The following LTA4H variants were observed in gnomAD, a reference collection of about 807,000 sequenced individuals.
LTA4H encodes the protein leukotriene A4 hydrolase, also known as leukotriene A-4 hydrolase.
LTA4H carries 59 observed loss-of-function variants against 89.8 expected under a neutral mutation model. The observed-to-expected ratio is 0.66, with a 90% CI of 0.53 to 0.82. The LOEUF is 0.82. Ranked by LOEUF, LTA4H falls within the 40% of genes least tolerant of loss-of-function variation. The probability of loss-of-function intolerance (pLI) is 0.00; values close to 1 mark genes in which losing one functional copy is unlikely to be tolerated. For missense variants in LTA4H, 617 were observed against 727.0 expected (o/e 0.85, Z 1.74); for synonymous variants, 227 against 253.1 (o/e 0.90, Z 0.98).
intron 11 of LTA4H, chr12:96,015,241 CT>C: frequency 2.1e-6 from 1 of 479,376 alleles, no homozygotes; most frequent in Non-Finnish European, 3.6e-6. Context: ...TATAAAAAGA[CT>C]AGAAAAATGA....
At chr12:96,038,794 G>A (rs1447827221), upstream of LTA4H, among the ~76,000 whole-genome samples, 1 of 147,426 alleles carries the variant, frequency 6.8e-6, no homozygotes, top group East Asian at 2.0e-4. Flanking sequence ...ATGGAGAAAG[G>A]ATAGTTTGTT....
At chr12:96,027,649 A>G in intron 2 of LTA4H, 85 bp from the exon 3 acceptor site, 1 of 780,776 alleles carries the variant, frequency 1.3e-6, no homozygotes, top group Non-Finnish European at 2.0e-6. Context: ...TGAATAATAT[A>G]AATAACATAG....
At chr12:96,016,864 C>T (rs533327663) in intron 10 of LTA4H, among the ~76,000 whole-genome samples, 180 bp downstream of exon 10, 2 of 151,380 alleles carry the variant, frequency 1.3e-5, no homozygotes, top group East Asian at 3.9e-4. Flanking sequence ...CGCACCACTG[C>T]ACTCTAGCCT....
chr12:96,020,737 T>G (rs569063503), intron 6 of LTA4H: 1 of 176,090 alleles, frequency 5.7e-6, no homozygotes, highest in African/African-American at 2.4e-5. Flanking sequence ...ATATTTTATC[T>G]CATTTGTTTC....
At chr12:96,023,235 TGC>T (rs1950474267) in intron 4 of LTA4H, among the ~76,000 whole-genome samples, 1 of 152,214 alleles carries the variant, frequency 6.6e-6, no homozygotes, top group Admixed American at 6.5e-5. Flanking sequence ...CCTGAACCAG[TGC>T]TACAACAATT....
chr12:96,027,741 C>T, intron 2 of LTA4H, 177 bp from the exon 3 acceptor site: 1 of 386,024 alleles, frequency 2.6e-6, no homozygotes, highest in East Asian at 4.7e-5. Flanking sequence ...GTTTTCCTAC[C>T]TAATTGCCAG....
chr12:96,014,406 A>G (rs768808765), intron 12 of LTA4H: 1 of 158,410 alleles, frequency 6.3e-6, no homozygotes, highest in Non-Finnish European at 1.4e-5. Flanking sequence ...GAGCCAATAT[A>G]TAGCATGACC....
At chr12:96,033,406 T>C (rs1950597729) in intron 1 of LTA4H, among the ~76,000 whole-genome samples, 1 of 152,204 alleles carries the variant, frequency 6.6e-6, no homozygotes, top group South Asian at 2.1e-4. Flanking sequence ...AAAACCTCTT[T>C]AAATTTCTTC....
chr12:96,041,946 C>G (rs1017317900), intron 1 of LTA4H, among the ~76,000 whole-genome samples: 2 of 151,554 alleles, frequency 1.3e-5, no homozygotes, highest in Non-Finnish European at 2.9e-5. Context: ...TGGCCATAAA[C>G]CCCTAGTTTT....
intron 8 of LTA4H, among the ~76,000 whole-genome samples, chr12:96,018,194 C>A (rs752721126): frequency 3.3e-5 from 5 of 152,134 alleles, no homozygotes; most frequent in African/African-American, 1.2e-4. Context: ...CCATGCCCAA[C>A]TCCCCAAATA....
chr12:96,006,388 A>G lies in LTA4H; in HGVS notation c.1456T>C (p.Ser486Pro). 1 of 1,608,962 alleles carries G rather than the reference A, an allele frequency of 6.2e-7. No individual in the cohort carries two copies. Among genetic ancestry groups the G allele is most frequent in the Non-Finnish European group, 8.5e-7 (1 of 1,176,666 alleles). ...TCCTTCAGGTCTGTGGCATTGAATG[A>G]ATTTAAATCATCTTCTTTGGCCTGA... ...WITAKEDDLN[S>P]FNATDLKDLS... is the part of the protein sequence containing the mutation. The change falls in exon 16 of 19, where the codon TCA (serine) becomes CCA (proline). Residue 486 changes from serine (S) to proline (P), a missense_variant. Physicochemically the swap from Ser to Pro is moderately conservative, Grantham distance 74. Around this residue, in one of 3 missense-constraint regions of LTA4H, gnomAD observed 290 missense variants for 339.1 expected, o/e 0.86. Transcript: ENST00000228740.
At position 96,023,311 on chromosome 12, in the gene LTA4H, G is replaced by A. The variant is rs571144262; in HGVS notation, c.481-1060C>T. 2.7e-5 allele frequency among the ~76,000 whole-genome samples: 4 copies of A among 150,194 alleles called. No homozygotes were observed. In the South Asian group the frequency reaches 8.8e-4, roughly 33 times the overall value. On this transcript the variant is annotated intron_variant, in intron 4 of 18. Transcript: ENST00000228740. ...GGTTCAGCCACCTCCCTTCATTTAGGTGGTGATACGTTATATATATGTGCC... is the reference window on the plus strand; with the variant it reads ...GGTTCAGCCACCTCCCTTCATTTAGATGGTGATACGTTATATATATGTGCC...
At chr12:96,041,161 C>A (rs1179817373) in intron 1 of LTA4H, among the ~76,000 whole-genome samples, 1 of 151,814 alleles carries the variant, frequency 6.6e-6, no homozygotes, top group Non-Finnish European at 1.5e-5. Context: ...CAGTTATTCA[C>A]AGTATATTAT....
At chr12:96,011,918 G>GA (rs62955962) in intron 14 of LTA4H, 1 of 152,016 alleles carries the variant, frequency 6.6e-6, no homozygotes, top group Non-Finnish European at 1.5e-5. Flanking sequence ...GAAGTGCTAG[G>GA]AAAAAAATCT....
Position 96,014,860 on chromosome 12 carries a change from C to T in LTA4H, c.1199G>A (p.Gly400Glu), listed in dbSNP as rs1175860818. ...LLFYLEQLLG[G>E]PEIFLGFLKA... ...ATAAAATACCAACTACTTACCTGGTCCTCCAAGCAGTTGTTCAAGGTAAAA... is the reference window on the plus strand; with the variant it reads ...ATAAAATACCAACTACTTACCTGGTTCTCCAAGCAGTTGTTCAAGGTAAAA... The change falls in exon 12 of 19, where the codon GGA (glycine) becomes GAA (glutamate). Residue 400 changes from glycine to glutamate, a missense_variant. By Grantham distance (98) the Gly-to-Glu change is moderately conservative. This residue lies in a region of LTA4H where 290 missense variants were observed against 339.1 expected (regional missense o/e 0.86). Coordinates refer to ENST00000228740, the MANE Select transcript of LTA4H (RefSeq NM_000895.3). The T allele has an allele frequency of 3.7e-6, 6 of 1,606,462 alleles. No homozygotes were observed. Among genetic ancestry groups the T allele is most frequent in the Non-Finnish European group, 5.1e-6 (6 of 1,177,744 alleles).
intron 14 of LTA4H, chr12:96,011,033 G>C (rs891511132): frequency 4.6e-5 from 7 of 152,162 alleles, no homozygotes; most frequent in Admixed American, 3.9e-4. Context: ...CCGGGCACAC[G>C]AATGATTCCA....
rs1455196465 is a variant in LTA4H at position 96,022,183 on chromosome 12, T to C, written c.549A>G (p.Glu183=). 11 of 1,614,040 alleles carry C rather than the reference T, an allele frequency of 6.8e-6. No individual in the cohort carries two copies. The highest frequency in any genetic ancestry group is 8.5e-6 in the Non-Finnish European group (10 of 1,179,930). The change falls in exon 5 of 19, where the codon GAA becomes GAG. Residue 183 remains glutamate (E), a synonymous_variant. Transcript: ENST00000228740. This position sits in a 1 kb window ranked among gnomAD's most constrained non-coding sequence, Gnocchi z 4.0. ...ATTTGTATATTTTCCTGCTTGGGTC[T>C]TCTGGGTCAGGTGTTTCTCCATCAC... The part of the protein sequence containing the change: ...AIRDGETPDP[E]DPSRKIYKFI...
Position 96,035,322 on chromosome 12 carries a change from C to G in LTA4H, c.159+39G>C, listed in dbSNP as rs760090613. The G allele has an allele frequency of 6.3e-6, 10 of 1,575,816 alleles. No individual in the cohort carries two copies. The East Asian group carries it at 2.1e-4, about 33-fold the overall frequency. On this transcript the variant is annotated intron_variant, in intron 1 of 18. Transcript: ENST00000228740. ...AGGACTAGGGTCGAGGGGCAGGGAG[C>G]CCGGGAGAGGCGGGCACTGGGCAGG...
Position 96,001,066 on chromosome 12 carries a change from G to A in LTA4H, c.1759C>T (p.Arg587Ter), listed in dbSNP as rs1229283119. Residue 587 changes from arginine (R) to a stop codon, truncating the protein, a stop_gained, in exon 19 of 19, where the codon CGA (arginine) becomes TGA (stop). Transcript: ENST00000228740. LOFTEE classifies it high-confidence loss of function. ...AFDKSHDQAV[R>*]TYQEHKASMH... Reference sequence around the variant, plus strand: ...CTTGCTTTGTGCTCTTGGTAGGTTCGGACAGCTTGATCATGGGATTTGTCA... The same window carrying A: ...CTTGCTTTGTGCTCTTGGTAGGTTCAGACAGCTTGATCATGGGATTTGTCA... The A allele has an allele frequency of 1.9e-6, 3 of 1,613,914 alleles. No homozygotes were observed. The highest frequency in any genetic ancestry group is 2.5e-6 in the Non-Finnish European group (3 of 1,179,952).
Sources: gnomAD v4.1 joint callset for allele counts (sites outside exome capture counted in the v4.1 genomes callset) on GRCh38, gnomAD v4.1.1 for gene constraint, gnomAD v4.1.1 regional missense constraint, Gnocchi (gnomAD v3.1) non-coding constraint, MANE v1.5 for transcripts, NCBI Gene and HGNC (gene_info 2026-07-23, HGNC 2026-07-21) for gene names.